Variants in TINAG observed in about 807,000 individuals in gnomAD.
TINAG encodes tubulointerstitial nephritis antigen.
A neutral mutation model predicts 72.7 loss-of-function variants in TINAG; 83 were observed. The ratio of observed to expected loss-of-function variants is 1.14; its 90% CI spans 0.96 to 1.37. The LOEUF (loss-of-function observed/expected upper bound fraction) is 1.37, where lower values mean the gene tolerates loss of function less well. TINAG is among the 40% of genes most tolerant of loss of function. The pLI is 0.00. For synonymous variants in TINAG, 234 were observed against 189.9 expected (o/e 1.23, Z -1.91); for missense variants, 685 against 576.6 (o/e 1.19, Z -1.93).
intron 3 of TINAG, 136 bp from the exon 4 acceptor site, chr6:54,326,666 C>G (rs13197295): frequency 1.0e-5 from 6 of 588,908 alleles, no homozygotes; most frequent in Non-Finnish European, 1.4e-5. Flanking sequence ...TAAAGAATAT[C>G]TAGCCTGTGA....
chr6:54,349,831 C>A lies in TINAG; in HGVS notation c.1015C>A (p.Pro339Thr), dbSNP rs868636490. ...RGKRHATKPCPNNVEKSNRIY... is the reference protein window; with the variant it reads ...RGKRHATKPCTNNVEKSNRIY... ...AAAACGGCATGCCACGAAGCCATGT[C>A]CCAACAACGTAGAAAAATCTAACAG... The change falls in exon 7 of 11, where the codon CCC (proline) becomes ACC (threonine). Residue 339 changes from proline (P) to threonine (T), a missense_variant. Transcript: ENST00000259782. 1 of 1,610,252 alleles carries A rather than the reference C, an allele frequency of 6.2e-7. No individual in the cohort carries two copies. Among genetic ancestry groups the A allele is most frequent in the Non-Finnish European group, 8.5e-7 (1 of 1,177,642 alleles).
intron 4 of TINAG, among the ~76,000 whole-genome samples, chr6:54,335,588 G>A (rs1037023062): frequency 6.6e-6 from 1 of 152,124 alleles, no homozygotes; most frequent in Non-Finnish European, 1.5e-5. Context: ...GTGTTTCTAG[G>A]AAGAACATGA....
intron 4 of TINAG, among the ~76,000 whole-genome samples, chr6:54,328,532 C>A (rs568433328): frequency 6.6e-6 from 1 of 152,212 alleles, no homozygotes; most frequent in African/African-American, 2.4e-5. Context: ...ACAAAAAAAG[C>A]TGAAAATTCC....
At chr6:54,327,277 G>T in intron 4 of TINAG, 6 of 1,251,336 alleles carry the variant, frequency 4.8e-6, no homozygotes, top group South Asian at 4.3e-5. Flanking sequence ...GGACTGGTTA[G>T]ACAGTGGGTG....
intron 9 of TINAG, among the ~76,000 whole-genome samples, chr6:54,367,976 C>T (rs1763484827): frequency 6.6e-6 from 1 of 151,580 alleles, no homozygotes; most frequent in Admixed American, 6.6e-5. Flanking sequence ...GAAGATTCCA[C>T]CTTCATCAAG....
At chr6:54,380,427 A>T in intron 9 of TINAG, 99 bp from the exon 10 acceptor site, 4 of 973,864 alleles carry the variant, frequency 4.1e-6, no homozygotes, top group Non-Finnish European at 6.2e-6. Flanking sequence ...GACAGAGAGA[A>T]AGCACAAAAG....
chr6:54,324,440 T>G (rs1219764904), intron 3 of TINAG, among the ~76,000 whole-genome samples: 1 of 152,210 alleles, frequency 6.6e-6, no homozygotes, highest in Non-Finnish European at 1.5e-5. Flanking sequence ...CAGTCCTCCC[T>G]TAAAGCTTAT....
intron 4 of TINAG, among the ~76,000 whole-genome samples, chr6:54,342,334 C>T (rs1274272532): frequency 6.6e-6 from 1 of 151,800 alleles, no homozygotes; most frequent in African/African-American, 2.4e-5. Flanking sequence ...TAATTTTGCA[C>T]CGTTGCTCTT....
At chr6:54,312,977 C>T (rs1460628513) in intron 1 of TINAG, among the ~76,000 whole-genome samples, 1 of 152,096 alleles carries the variant, frequency 6.6e-6, no homozygotes, top group Non-Finnish European at 1.5e-5. Flanking sequence ...CATTTTTGCT[C>T]CATATACAAC....
At position 54,308,707 on chromosome 6, in the gene TINAG, C is replaced by A; in HGVS notation, c.157C>A (p.Gln53Lys). 1 of 1,613,838 alleles carries A rather than the reference C, an allele frequency of 6.2e-7. No homozygotes were observed. The highest frequency in any genetic ancestry group is 1.1e-5 in the South Asian group (1 of 91,082). The stretch of plus-strand genomic sequence containing the variant: ...TACTCGATTCAAAAGAGCCATTTTC[C>A]AAGGGCAATACTGTAGAAATTTTGG... ...QGTRFKRAIF[Q>K]GQYCRNFGCC... is the part of the protein sequence containing the mutation. The change falls in exon 1 of 11, where the codon CAA becomes AAA. Residue 53 changes from glutamine to lysine, a missense_variant. By Grantham distance (53) the Gln-to-Lys change is moderately conservative. Coordinates refer to ENST00000259782, the MANE Select transcript of TINAG (RefSeq NM_014464.4).
chr6:54,336,053 T>G (rs906081653), intron 4 of TINAG, among the ~76,000 whole-genome samples: 7 of 152,144 alleles, frequency 4.6e-5, no homozygotes, highest in African/African-American at 1.4e-4. Context: ...CCTGGCTGGT[T>G]TCCTGGCTTC....
chr6:54,372,668 C>T (rs1508637), intron 9 of TINAG, among the ~76,000 whole-genome samples: 100,505 of 149,320 alleles, frequency 0.67, 34,560 homozygotes, highest in Non-Finnish European at 0.74. Context: ...GAGATTACCA[C>T]TGCAGAATCT....
At chr6:54,310,285 A>G (rs1375352035) in intron 1 of TINAG, among the ~76,000 whole-genome samples, 2 of 151,680 alleles carry the variant, frequency 1.3e-5, no homozygotes, top group Non-Finnish European at 2.9e-5. Context: ...GGGTCTTGCT[A>G]TGTTGCCTAG....
intron 10 of TINAG, among the ~76,000 whole-genome samples, chr6:54,383,884 T>A (rs574334022): frequency 5.3e-5 from 8 of 152,142 alleles, no homozygotes; most frequent in Non-Finnish European, 2.9e-5. Context: ...AATCATTCCA[T>A]TATAAAGACA....
At chr6:54,328,063 G>T (rs1451062029) in intron 4 of TINAG, among the ~76,000 whole-genome samples, 1 of 152,138 alleles carries the variant, frequency 6.6e-6, no homozygotes, top group Non-Finnish European at 1.5e-5. Flanking sequence ...AAATTTTCCT[G>T]TCTGCCAGAT....
chr6:54,319,451 C>T (rs1404059426), intron 1 of TINAG, among the ~76,000 whole-genome samples: 1 of 152,020 alleles, frequency 6.6e-6, no homozygotes, highest in Non-Finnish European at 1.5e-5. Context: ...GGGTGGTTTC[C>T]TTTTCTTATC....
At chr6:54,352,389 G>T (rs1309161689) in intron 8 of TINAG, among the ~76,000 whole-genome samples, 2 of 151,734 alleles carry the variant, frequency 1.3e-5, no homozygotes, top group Non-Finnish European at 2.9e-5. Context: ...AGAAACCACA[G>T]CCTACATAAA....
chr6:54,314,465 T>G (rs1191051973), intron 1 of TINAG, among the ~76,000 whole-genome samples: 1 of 152,156 alleles, frequency 6.6e-6, no homozygotes, highest in Non-Finnish European at 1.5e-5. Flanking sequence ...TATAGTCACA[T>G]GGACATACCA....
In TINAG at chr6:54,308,570, T is replaced by C; in HGVS notation, c.20T>C (p.Ile7Thr). Residue 7 changes from isoleucine (I) to threonine (T), a missense_variant, in exon 1 of 11, where the codon ATC becomes ACC. Physicochemically the swap from Ile to Thr is moderately conservative, Grantham distance 89. Coordinates refer to ENST00000259782, the MANE Select transcript of TINAG (RefSeq NM_014464.4). ...CAGAGAATGTGGACCGGATATAAGA[T>C]CTTAATCTTCTCTTATCTTACTACA... Reference protein sequence around the residue: MWTGYKILIFSYLTTEI... With the variant: MWTGYKTLIFSYLTTEI... 6.2e-7 allele frequency: 1 copy of C among 1,612,102 alleles called. No individual in the cohort carries two copies. The highest frequency in any genetic ancestry group is 1.7e-4 in the Middle Eastern group (1 of 6,040).
Sources: gnomAD v4.1 joint callset for allele counts (sites outside exome capture counted in the v4.1 genomes callset) on GRCh38, gnomAD v4.1.1 for gene constraint, MANE v1.5 for transcripts, NCBI Gene and HGNC (gene_info 2026-07-23, HGNC 2026-07-21) for gene names.